CTNND2: variants seen among roughly 807,000 people sequenced by gnomAD.
CTNND2 encodes the protein catenin delta 2, also known as catenin delta-2.
CTNND2 carries 22 observed loss-of-function variants against 144.4 expected under a neutral mutation model. The observed-to-expected ratio is 0.15, with a 90% CI of 0.11 to 0.22. The LOEUF is 0.22. Among genes scored for constraint, CTNND2 ranks in the 10% least tolerant of loss-of-function variants. CTNND2 has a pLI of 1.00. For missense variants in CTNND2, 1,353 were observed against 1,618.8 expected, an observed-to-expected ratio of 0.84 and a Z score of 2.82; for synonymous variants, 751 against 695.6, an observed-to-expected ratio of 1.08 and a Z score of -1.25.
intron 20 of CTNND2, among the ~76,000 whole-genome samples, chr5:10,986,393 T>C (rs1737958317): frequency 6.6e-6 from 1 of 152,226 alleles, no homozygotes; most frequent in Non-Finnish European, 1.5e-5. Context: ...ATCTCACAAC[T>C]GTTCCTTAAT....
At chr5:11,327,026 C>T (rs1007858096) in intron 9 of CTNND2, among the ~76,000 whole-genome samples, 4 of 152,144 alleles carry the variant, frequency 2.6e-5, no homozygotes, top group African/African-American at 9.7e-5. Flanking sequence ...GGAGCACACA[C>T]AAGGCACCAT....
At chr5:11,279,872 G>C (rs1041798611) in intron 9 of CTNND2, among the ~76,000 whole-genome samples, 1 of 152,118 alleles carries the variant, frequency 6.6e-6, no homozygotes, top group African/African-American at 2.4e-5. Context: ...TCCAGATCTT[G>C]CAAGAACTCA....
At chr5:11,312,678 T>C (rs566211701) in intron 9 of CTNND2, among the ~76,000 whole-genome samples, 1 of 20,566 alleles carries the variant, frequency 4.9e-5, no homozygotes, top group East Asian at 9.2e-4. Context: ...ACATGCACAC[T>C]CACACACACT....
chr5:11,623,802 G>A (rs12516891), intron 2 of CTNND2, among the ~76,000 whole-genome samples: 975 of 38,402 alleles, frequency 0.025, 20 homozygotes, highest in African/African-American at 0.089. Flanking sequence ...ATATATATGT[G>A]TGTATGTATA....
chr5:11,582,429 G>A (rs1250433148), intron 2 of CTNND2, among the ~76,000 whole-genome samples: 2 of 152,024 alleles, frequency 1.3e-5, no homozygotes, highest in Non-Finnish European at 2.9e-5. Context: ...AACAAAGAAA[G>A]AAAAGAAAAA....
chr5:11,216,895 C>T (rs1266043801), intron 10 of CTNND2, among the ~76,000 whole-genome samples: 7 of 152,204 alleles, frequency 4.6e-5, no homozygotes, highest in Non-Finnish European at 1.0e-4. Flanking sequence ...AGATCATCCT[C>T]CTGCTATAAC....
chr5:11,141,644 G>C (rs1241366858), intron 12 of CTNND2, among the ~76,000 whole-genome samples: 2 of 152,168 alleles, frequency 1.3e-5, no homozygotes, highest in Admixed American at 1.3e-4. Flanking sequence ...AAACTGTTTA[G>C]GGATAGGAGA....
intron 2 of CTNND2, among the ~76,000 whole-genome samples, chr5:11,658,038 T>C (rs1407198431): frequency 6.6e-6 from 1 of 152,146 alleles, no homozygotes; most frequent in East Asian, 1.9e-4. Context: ...TTTATTTTTA[T>C]TACTAAAGCA....
intron 2 of CTNND2, among the ~76,000 whole-genome samples, chr5:11,658,533 T>C (rs1347704773): frequency 6.6e-6 from 1 of 152,104 alleles, no homozygotes; most frequent in African/African-American, 2.4e-5. Context: ...AAGCTCTTAT[T>C]TCCTGGCTTC....
chr5:11,599,715 A>C (rs1003610685), intron 2 of CTNND2, among the ~76,000 whole-genome samples: 1 of 152,148 alleles, frequency 6.6e-6, no homozygotes, highest in Non-Finnish European at 1.5e-5. Context: ...AAAAGTCAGG[A>C]AAATAGAAAA....
intron 5 of CTNND2, among the ~76,000 whole-genome samples, chr5:11,408,596 T>C (rs7722906): frequency 2.0e-5 from 3 of 151,994 alleles, no homozygotes; most frequent in Non-Finnish European, 2.9e-5. Flanking sequence ...ACTAAAATCC[T>C]AGGAGTCTTC....
At chr5:11,088,020 T>C (rs757164025) in intron 15 of CTNND2, among the ~76,000 whole-genome samples, 9 of 152,202 alleles carry the variant, frequency 5.9e-5, no homozygotes, top group Non-Finnish European at 8.8e-5. Context: ...ATCTCAAGGA[T>C]TAGTAATTTT....
intron 9 of CTNND2, among the ~76,000 whole-genome samples, chr5:11,299,836 C>T (rs888744679): frequency 2.0e-5 from 3 of 152,172 alleles, no homozygotes; most frequent in African/African-American, 4.8e-5. Context: ...CTTCAGACTG[C>T]TCGGATCCTT....
At chr5:11,735,634 G>A (rs1787639616) in intron 1 of CTNND2, among the ~76,000 whole-genome samples, 1 of 152,136 alleles carries the variant, frequency 6.6e-6, no homozygotes, top group Non-Finnish European at 1.5e-5. Context: ...AATCACGGAG[G>A]CAGGTTTTGC....
chr5:11,213,201 T>C (rs1738817848), intron 10 of CTNND2, among the ~76,000 whole-genome samples: 1 of 152,088 alleles, frequency 6.6e-6, no homozygotes, highest in African/African-American at 2.4e-5. Flanking sequence ...AGGTAACTGG[T>C]GGAGCCATCT....
rs373005104 is a variant in CTNND2 at position 11,712,964 on chromosome 5, T to C, written c.174+19172A>G. Among the ~76,000 whole-genome samples, 7 of 152,168 alleles carry C rather than the reference T, an allele frequency of 4.6e-5. No homozygotes were observed. The East Asian group carries it at 9.6e-4, about 21-fold the overall frequency. On this transcript the variant is annotated intron_variant, in intron 2 of 21. Transcript: ENST00000304623. ...GATAATATAGTCATTCATAGTATCC[T>C]AGGGGTCAGGCTAAAGATAAATAAA... is the stretch of plus-strand genomic sequence containing the variant.
At chr5:11,322,589 A>G (rs1752143143) in intron 9 of CTNND2, among the ~76,000 whole-genome samples, 1 of 152,182 alleles carries the variant, frequency 6.6e-6, no homozygotes, top group South Asian at 2.1e-4. Flanking sequence ...AAATTGTTCT[A>G]TAATATATAT....
At chr5:11,337,182 C>A (rs998576054) in intron 9 of CTNND2, among the ~76,000 whole-genome samples, 3 of 152,274 alleles carry the variant, frequency 2.0e-5, no homozygotes, top group Non-Finnish European at 2.9e-5. Flanking sequence ...AAATGGGAAG[C>A]ACACGGATTT....
chr5:11,159,593 G>C lies in CTNND2; in HGVS notation c.2142C>G (p.Asn714Lys). ...GGACTGACCTTAGGCACCCGGTGGC[G>C]TTACGCAGCACCTGTGATGAATGCA... ...IQLHSSQVLR[N>K]ATGCLRNVSS... Residue 714 changes from asparagine (N) to lysine (K), a missense_variant, in exon 12 of 22, where the codon AAC becomes AAG. Transcript: ENST00000304623. 1 of 1,611,458 alleles carries C rather than the reference G, an allele frequency of 6.2e-7. No homozygotes were observed. The highest frequency in any genetic ancestry group is 8.5e-7 in the Non-Finnish European group (1 of 1,178,828).
Sources: allele counts gnomAD v4.1 joint callset (sites outside exome capture counted in the v4.1 genomes callset), GRCh38; gene constraint gnomAD v4.1.1; transcripts MANE v1.5; gene names NCBI Gene and HGNC (gene_info 2026-07-23, HGNC 2026-07-21).